The following CRY1 variants were observed in gnomAD, a reference collection of about 807,000 sequenced individuals.
CRY1 encodes the protein cryptochrome-1.
Under a neutral mutation model 76.0 loss-of-function variants are expected in CRY1, and 45 were observed. That is an observed-to-expected ratio of 0.59 (90% CI 0.47 to 0.76). CRY1 has a LOEUF of 0.76. Ranked by LOEUF, CRY1 falls within the 30% of genes least tolerant of loss-of-function variation. The probability of loss-of-function intolerance (pLI) is 0.00; values close to 1 mark genes in which losing one functional copy is unlikely to be tolerated. For missense variants in CRY1, 587 were observed against 716.4 expected, an observed-to-expected ratio of 0.82 and a Z score of 2.06; for synonymous variants, 248 against 244.0, an observed-to-expected ratio of 1.02 and a Z score of -0.15.
chr12:107,049,783 C>T (rs1952896886), intron 1 of CRY1: 1 of 152,146 alleles, frequency 6.6e-6, no homozygotes, highest in Non-Finnish European at 1.5e-5. Context: ...GGTGTTTGGT[C>T]TAGGACAACC....
intron 10 of CRY1, among the ~76,000 whole-genome samples, chr12:106,996,000 C>T (rs772407703): frequency 1.3e-5 from 2 of 152,158 alleles, no homozygotes; most frequent in South Asian, 2.1e-4. Context: ...TGCGCTACCA[C>T]GCCCGGCCAA....
intron 10 of CRY1, among the ~76,000 whole-genome samples, chr12:106,996,290 A>G (rs1156469096): frequency 6.6e-6 from 1 of 152,204 alleles, no homozygotes; most frequent in African/African-American, 2.4e-5. Context: ...GTCCCTGCAA[A>G]GAACATGATC....
chr12:107,074,906 T>C (rs1425761755), intron 1 of CRY1, among the ~76,000 whole-genome samples: 4 of 152,042 alleles, frequency 2.6e-5, no homozygotes, highest in Non-Finnish European at 5.9e-5. Flanking sequence ...TCCCAGCTAC[T>C]TGGAAGGCTG....
intron 2 of CRY1, among the ~76,000 whole-genome samples, chr12:107,021,853 C>G (rs537034853): frequency 6.6e-6 from 1 of 151,896 alleles, no homozygotes. Context: ...GGGAGGGCAA[C>G]GAGCAGTTTA....
At chr12:107,077,675 A>G (rs1019199277) in intron 1 of CRY1, among the ~76,000 whole-genome samples, 7 of 152,126 alleles carry the variant, frequency 4.6e-5, no homozygotes, top group African/African-American at 1.7e-4. Context: ...CATCCTGTGA[A>G]TACACTATGC....
At chr12:107,060,002 C>A (rs780048930) in intron 1 of CRY1, among the ~76,000 whole-genome samples, 53 of 152,108 alleles carry the variant, frequency 3.5e-4, no homozygotes, top group South Asian at 6.2e-4. Flanking sequence ...AATCTGAGAT[C>A]AAATTTAATC....
chr12:107,081,076 A>T (rs959030795), intron 1 of CRY1, among the ~76,000 whole-genome samples: 1 of 152,136 alleles, frequency 6.6e-6, no homozygotes, highest in Non-Finnish European at 1.5e-5. Flanking sequence ...CGTTTTGAAA[A>T]GAGACAGCAG....
At chr12:106,995,064 C>T (rs1404893317) in intron 10 of CRY1, among the ~76,000 whole-genome samples, 1 of 152,202 alleles carries the variant, frequency 6.6e-6, no homozygotes, top group African/African-American at 2.4e-5. Flanking sequence ...GGAAGAAGTA[C>T]AAGCTTTGGA....
At chr12:107,058,223 T>A (rs1405115683) in intron 1 of CRY1, among the ~76,000 whole-genome samples, 1 of 152,000 alleles carries the variant, frequency 6.6e-6, no homozygotes, top group East Asian at 1.9e-4. Flanking sequence ...TATTAATAAA[T>A]GACAGAGAGA....
chr12:107,061,757 A>AT (rs1953050048), intron 1 of CRY1, among the ~76,000 whole-genome samples: 1 of 152,014 alleles, frequency 6.6e-6, no homozygotes, highest in African/African-American at 2.4e-5. Flanking sequence ...AAAAATACAC[A>AT]TTTTTCTTAC....
intron 8 of CRY1, 83 bp from the exon 9 acceptor site, chr12:106,997,773 T>C: frequency 6.5e-7 from 1 of 1,543,438 alleles, no homozygotes; most frequent in Non-Finnish European, 8.8e-7. Context: ...CAAAATCAAA[T>C]CAAGACCATT....
At position 107,001,751 on chromosome 12, in the gene CRY1, A is replaced by C. The variant is rs1172498263; in HGVS notation, c.595+13T>G. 39 of 1,529,470 alleles carry C rather than the reference A, an allele frequency of 2.5e-5. No individual in the cohort carries two copies. Among genetic ancestry groups the C allele is most frequent in the Non-Finnish European group, 3.3e-5 (38 of 1,149,880 alleles). The allele number at this position is 1,529,470 out of a possible 1,614,324, so 94.7% of individuals were successfully genotyped here. A position where few individuals can be genotyped will look rare whatever the true frequency, so the allele number is the denominator to read the frequency against. ...AACTTGCAAGCCTCACACTGACTACAGTTTACACTCACCTAGCTCTTCCAG... is the reference window on the plus strand; with the variant it reads ...AACTTGCAAGCCTCACACTGACTACCGTTTACACTCACCTAGCTCTTCCAG... On this transcript the variant is annotated intron_variant, in intron 4 of 12. Transcript: ENST00000008527.
intron 1 of CRY1, among the ~76,000 whole-genome samples, chr12:107,052,256 G>A (rs1356812015): frequency 6.6e-6 from 1 of 152,104 alleles, no homozygotes; most frequent in East Asian, 1.9e-4. Flanking sequence ...TTTTACTATA[G>A]AGAATTCTAA....
intron 2 of CRY1, 92 bp from the exon 3 acceptor site, chr12:107,005,340 T>A (rs144711461): frequency 9.8e-6 from 13 of 1,332,706 alleles, no homozygotes; most frequent in Non-Finnish European, 1.3e-5. Flanking sequence ...AATCTACATA[T>A]CAAAGGATTA....
intron 12 of CRY1, 162 bp downstream of exon 12, chr12:106,992,622 TGTC>T (rs1952191064): frequency 3.3e-6 from 2 of 600,970 alleles, no homozygotes; most frequent in Non-Finnish European, 5.8e-6. Context: ...TACAGATGCA[TGTC>T]TCTTGACCAA....
chr12:107,009,598 A>ATATATATATATATG, intron 2 of CRY1, among the ~76,000 whole-genome samples: 1 of 18,614 alleles, frequency 5.4e-5, no homozygotes, highest in Non-Finnish European at 9.7e-5. Flanking sequence ...ATATATATAT[A>ATATATATATATATG]TATAAAATCT....
intron 1 of CRY1, among the ~76,000 whole-genome samples, chr12:107,040,595 C>CAG (rs928884643): frequency 3.9e-5 from 6 of 152,056 alleles, no homozygotes; most frequent in Admixed American, 2.6e-4. Context: ...AAGATGAAAA[C>CAG]TTCCTAAAAA....
intron 3 of CRY1, among the ~76,000 whole-genome samples, chr12:107,004,208 G>C (rs1952344955): frequency 6.6e-6 from 1 of 152,216 alleles, no homozygotes; most frequent in South Asian, 2.1e-4. Flanking sequence ...AAGCAAATTG[G>C]TGAGCTCGAA....
At chr12:107,067,164 T>C (rs901778446) in intron 1 of CRY1, among the ~76,000 whole-genome samples, 2 of 152,152 alleles carry the variant, frequency 1.3e-5, no homozygotes, top group Non-Finnish European at 2.9e-5. Context: ...TGTTTTTGTA[T>C]AGCCCACAAG....
Sources: allele counts gnomAD v4.1 joint callset (sites outside exome capture counted in the v4.1 genomes callset), GRCh38; gene constraint gnomAD v4.1.1; transcripts MANE v1.5; gene names NCBI Gene and HGNC (gene_info 2026-07-23, HGNC 2026-07-21).